ATXN8OS: variants seen among roughly 807,000 people sequenced by gnomAD.
The protein encoded by ATXN8OS is ATXN8 opposite strand lncRNA.
At chr13:70,145,641 G>T (rs1888773449) in intron 3 of ATXN8OS, among the ~76,000 whole-genome samples, 1 of 151,946 alleles carries the variant, frequency 6.6e-6, no homozygotes, top group Non-Finnish European at 1.5e-5. Context: ...CTCATGATTT[G>T]GCTCTCTGTT....
chr13:70,108,567 T>C (rs1888144094), intron 1 of ATXN8OS: 1 of 152,392 alleles, frequency 6.6e-6, no homozygotes, highest in African/African-American at 2.4e-5. Flanking sequence ...TCAATCTTCT[T>C]TATGCAAGTG....
intron 4 of ATXN8OS, among the ~76,000 whole-genome samples, chr13:70,160,081 T>C (rs1888985599): frequency 6.6e-6 from 1 of 152,190 alleles, no homozygotes; most frequent in African/African-American, 2.4e-5. Flanking sequence ...GTTAATTGCA[T>C]ATTTAACTTA....
chr13:70,136,897 T>C (rs1199858701), intron 3 of ATXN8OS, among the ~76,000 whole-genome samples: 1 of 152,178 alleles, frequency 6.6e-6, no homozygotes, highest in African/African-American at 2.4e-5. Flanking sequence ...TACTAGATTT[T>C]GTTCAGTTTA....
chr13:70,139,380 A>ACTGCTGCTGGTGCTGCTGCTGCTG, intron 3 of ATXN8OS: 1 of 574,178 alleles, frequency 1.7e-6, no homozygotes, highest in Non-Finnish European at 3.0e-6. Flanking sequence ...TACTACTACT[A>ACTGCTGCTGGTGCTGCTGCTGCTG]CTACTGCTGC....
At chr13:70,164,680 A>C (rs569523086) in intron 4 of ATXN8OS, among the ~76,000 whole-genome samples, 1 of 152,136 alleles carries the variant, frequency 6.6e-6, no homozygotes, top group East Asian at 1.9e-4. Flanking sequence ...TAACCTGCAC[A>C]AGAATGCCTA....
chr13:70,170,013 T>G (rs1436178193), exon 5 of ATXN8OS, among the ~76,000 whole-genome samples: 3 of 152,162 alleles, frequency 2.0e-5, no homozygotes, highest in Non-Finnish European at 2.9e-5. Flanking sequence ...GGCATTTCCT[T>G]GTTCTCTTGG....
chr13:70,146,350 G>C (rs1888786098), intron 3 of ATXN8OS, among the ~76,000 whole-genome samples: 1 of 150,690 alleles, frequency 6.6e-6, no homozygotes, highest in Non-Finnish European at 1.5e-5. Flanking sequence ...GTGGAAGTCA[G>C]TGTGGCGATT....
At chr13:70,136,126 C>T (rs900322397) in intron 3 of ATXN8OS, among the ~76,000 whole-genome samples, 3 of 152,058 alleles carry the variant, frequency 2.0e-5, no homozygotes, top group African/African-American at 7.2e-5. Context: ...ATTTCTTTTG[C>T]GGGGGCAAGT....
At chr13:70,138,323 T>TA (rs10599624) in intron 3 of ATXN8OS, among the ~76,000 whole-genome samples, 4 of 150,900 alleles carry the variant, frequency 2.7e-5, no homozygotes, top group African/African-American at 9.7e-5. Flanking sequence ...AGATTTAAAT[T>TA]AAAAAAAAAA....
In ATXN8OS at chr13:70,155,103, T is replaced by C. The variant is rs571314568; in HGVS notation, n.573+7675T>C. Reference sequence around the variant, plus strand: ...GTCAGCTGGGCCTGAGTGCATTCAATAAAGATTCTCCTGTTTCAACCCGAG... The same window carrying C: ...GTCAGCTGGGCCTGAGTGCATTCAACAAAGATTCTCCTGTTTCAACCCGAG... On this transcript the variant is annotated intron_variant and non_coding_transcript_variant, in intron 4 of 4. Transcript: ENST00000678624. Among the ~76,000 whole-genome samples, 819 of 152,326 alleles carry C rather than the reference T, an allele frequency of 5.4e-3. 5 individuals are homozygous for C. The highest frequency in any genetic ancestry group is 8.7e-3 in the Non-Finnish European group (591 of 68,022).
chr13:70,124,542 C>A (rs1487580512), intron 2 of ATXN8OS, among the ~76,000 whole-genome samples: 4 of 152,032 alleles, frequency 2.6e-5, no homozygotes, highest in Admixed American at 1.3e-4. Flanking sequence ...ATTGAAAAGA[C>A]TTTAGCCATG....
chr13:70,170,647 T>A (rs186933165), exon 5 of ATXN8OS, among the ~76,000 whole-genome samples: 1 of 152,276 alleles, frequency 6.6e-6, no homozygotes, highest in Admixed American at 6.6e-5. Flanking sequence ...TTTTATGATA[T>A]GCGAATAAAT....
intron 1 of ATXN8OS, among the ~76,000 whole-genome samples, chr13:70,108,931 C>G (rs1156375962): frequency 1.3e-5 from 2 of 152,206 alleles, no homozygotes; most frequent in Non-Finnish European, 2.9e-5. Flanking sequence ...TGCTTCACTC[C>G]TGGGGCCAGA....
At chr13:70,153,335 G>A in intron 4 of ATXN8OS, among the ~76,000 whole-genome samples, 1 of 152,074 alleles carries the variant, frequency 6.6e-6, no homozygotes. Context: ...AGCACTTTGG[G>A]AGGCTGAGGC....
chr13:70,130,546 T>C (rs9572378), intron 3 of ATXN8OS: 34,984 of 395,838 alleles, frequency 0.088, 1,662 homozygotes, highest in Middle Eastern at 0.12. Flanking sequence ...GTAGGGGAAG[T>C]ATTTTAAAAC....
chr13:70,135,415 C>A (rs560772278), intron 3 of ATXN8OS, among the ~76,000 whole-genome samples: 11 of 151,026 alleles, frequency 7.3e-5, no homozygotes, highest in African/African-American at 2.7e-4. Context: ...CTTAATGGCT[C>A]TCTCTCTCTC....
intron 3 of ATXN8OS, among the ~76,000 whole-genome samples, chr13:70,144,735 T>G (rs1888760094): frequency 6.6e-6 from 1 of 152,182 alleles, no homozygotes; most frequent in African/African-American, 2.4e-5. Context: ...TCATGGGTTG[T>G]GCCTTTGGTA....
chr13:70,164,240 T>G (rs2137506625), intron 4 of ATXN8OS, among the ~76,000 whole-genome samples: 1 of 151,656 alleles, frequency 6.6e-6, no homozygotes, highest in East Asian at 1.9e-4. Context: ...ACCTTTTTTT[T>G]GAAAGATATT....
chr13:70,151,625 A>T (rs1189704665), intron 4 of ATXN8OS, among the ~76,000 whole-genome samples: 1 of 152,164 alleles, frequency 6.6e-6, no homozygotes, highest in Non-Finnish European at 1.5e-5. Context: ...AATGTAAAAC[A>T]AAAAAGAAAA....
Sources: allele counts gnomAD v4.1 joint callset (sites outside exome capture counted in the v4.1 genomes callset), GRCh38; gene constraint gnomAD v4.1.1; transcripts MANE v1.5; gene names NCBI Gene and HGNC (gene_info 2026-07-23, HGNC 2026-07-21).